The following TAFA2 variants were observed in gnomAD, a reference collection of about 807,000 sequenced individuals.
TAFA2 encodes TAFA chemokine like family member 2, also known as chemokine-like protein TAFA-2.
A neutral mutation model predicts 18.8 loss-of-function variants in TAFA2; 7 were observed. The ratio of observed to expected loss-of-function variants is 0.37; its 90% CI spans 0.21 to 0.70. The LOEUF (loss-of-function observed/expected upper bound fraction) is 0.70, where lower values mean the gene tolerates loss of function less well. TAFA2 is among the 30% of genes least tolerant of loss of function. The pLI is 0.53. For synonymous variants in TAFA2, 60 were observed against 54.2 expected, an observed-to-expected ratio of 1.11 and a Z score of -0.47; for missense variants, 122 against 158.1, an observed-to-expected ratio of 0.77 and a Z score of 1.23.
chr12:61,737,092 C>T (rs530766854), intron 4 of TAFA2, among the ~76,000 whole-genome samples: 121 of 151,952 alleles, frequency 8.0e-4, no homozygotes, highest in South Asian at 1.5e-3. Context: ...TGATGGCACA[C>T]ACTACTACCT....
At chr12:61,858,714 CTAAG>C (rs902079942) in intron 2 of TAFA2, among the ~76,000 whole-genome samples, 3 of 151,560 alleles carry the variant, frequency 2.0e-5, no homozygotes, top group Non-Finnish European at 4.4e-5. Context: ...GTAAAATTGA[CTAAG>C]TGTTTATCAT....
intron 1 of TAFA2, among the ~76,000 whole-genome samples, chr12:62,233,065 TC>T (rs1442794079): frequency 1.1e-4 from 13 of 116,252 alleles, no homozygotes; most frequent in African/African-American, 3.8e-4. Flanking sequence ...TTTCTGCATC[TC>T]TTTTTTTTTT....
At chr12:62,246,737 C>T (rs2062888220) in intron 1 of TAFA2, among the ~76,000 whole-genome samples, 1 of 151,938 alleles carries the variant, frequency 6.6e-6, no homozygotes, top group South Asian at 2.1e-4. Context: ...AGTCTTTTTC[C>T]CTCAAAGTCT....
intron 1 of TAFA2, among the ~76,000 whole-genome samples, chr12:62,007,542 T>G (rs1260880787): frequency 6.6e-6 from 1 of 152,180 alleles, no homozygotes; most frequent in Non-Finnish European, 1.5e-5. Flanking sequence ...TCAGGAACAC[T>G]ACAGAGATAA....
At chr12:62,100,784 G>A (rs1196300032) in intron 1 of TAFA2, among the ~76,000 whole-genome samples, 1 of 152,166 alleles carries the variant, frequency 6.6e-6, no homozygotes, top group African/African-American at 2.4e-5. Flanking sequence ...ACTTTTGAGT[G>A]CCAGTTATAT....
At chr12:62,059,818 T>C (rs2136786253) in intron 1 of TAFA2, among the ~76,000 whole-genome samples, 1 of 152,358 alleles carries the variant, frequency 6.6e-6, no homozygotes, top group African/African-American at 2.4e-5. Flanking sequence ...TTAGATGTTC[T>C]ATTCATTTTT....
chr12:61,756,628 A>G (rs1425580014), intron 2 of TAFA2, among the ~76,000 whole-genome samples: 1 of 152,090 alleles, frequency 6.6e-6, no homozygotes, highest in Non-Finnish European at 1.5e-5. Flanking sequence ...TGAGGAGAAA[A>G]CAAATAATAA....
intron 1 of TAFA2, among the ~76,000 whole-genome samples, chr12:62,045,002 GACA>G (rs1221485360): frequency 6.6e-6 from 1 of 152,084 alleles, no homozygotes; most frequent in African/African-American, 2.4e-5. Context: ...GGATACCAAA[GACA>G]ACATTCTTTT....
At chr12:61,805,008 T>C (rs1194256071) in intron 2 of TAFA2, among the ~76,000 whole-genome samples, 1 of 152,012 alleles carries the variant, frequency 6.6e-6, no homozygotes, top group African/African-American at 2.4e-5. Context: ...GCTATACTTA[T>C]TCATAATGAA....
intron 1 of TAFA2, among the ~76,000 whole-genome samples, chr12:62,227,094 A>G (rs976585598): frequency 4.6e-5 from 7 of 152,072 alleles, no homozygotes; most frequent in Non-Finnish European, 1.0e-4. Flanking sequence ...TTCATAATCC[A>G]TTCCCCTTTC....
At chr12:62,233,066 C>CTTTTTTTTTTTTTTTTTTT (rs34781688) in intron 1 of TAFA2, among the ~76,000 whole-genome samples, 1 of 39,534 alleles carries the variant, frequency 2.5e-5, no homozygotes, top group African/African-American at 9.5e-5. Flanking sequence ...TTCTGCATCT[C>CTTTTTTTTTTTTTTTTTTT]TTTTTTTTTT....
chr12:61,838,746 G>A (rs1873044044), intron 2 of TAFA2, among the ~76,000 whole-genome samples: 1 of 152,056 alleles, frequency 6.6e-6, no homozygotes, highest in Admixed American at 6.6e-5. Context: ...TGTATGCCAG[G>A]TCTTGCAGAA....
At chr12:62,109,410 G>A (rs963023013) in intron 1 of TAFA2, among the ~76,000 whole-genome samples, 1 of 152,182 alleles carries the variant, frequency 6.6e-6, no homozygotes, top group African/African-American at 2.4e-5. Context: ...AAGTCAGGTA[G>A]TATGATGCCT....
At chr12:61,888,468 C>G (rs1398325606) in intron 1 of TAFA2, among the ~76,000 whole-genome samples, 1 of 152,108 alleles carries the variant, frequency 6.6e-6, no homozygotes, top group Non-Finnish European at 1.5e-5. Context: ...TGGAGAAAAA[C>G]ACAAAACACT....
At chr12:61,764,515 T>C (rs1446354249) in intron 2 of TAFA2, among the ~76,000 whole-genome samples, 1 of 152,030 alleles carries the variant, frequency 6.6e-6, no homozygotes, top group Non-Finnish European at 1.5e-5. Context: ...TAGTTGTTTG[T>C]CCCTGAAGAG....
At chr12:62,053,727 T>C (rs547488663) in intron 1 of TAFA2, among the ~76,000 whole-genome samples, 2 of 152,178 alleles carry the variant, frequency 1.3e-5, no homozygotes, top group African/African-American at 2.4e-5. Context: ...GGAATGAAAT[T>C]CCCTAATTTG....
In TAFA2 at chr12:61,724,751, ATGTGTGTGTGTGTGTG is replaced by A. The variant is rs71083953; in HGVS notation, c.385-14350_385-14335del. Among the ~76,000 whole-genome samples, 465 of 114,704 alleles carry A rather than the reference ATGTGTGTGTGTGTGTG, an allele frequency of 4.1e-3. 3 individuals carry two copies. The highest frequency in any genetic ancestry group is 5.4e-3 in the Non-Finnish European group (298 of 54,878). 75.3% of individuals were successfully genotyped at this position (114,704 alleles called of 152,430 possible). A position where few individuals can be genotyped will look rare whatever the true frequency, so the allele number is the denominator to read the frequency against. ...CTGAGTAGTATTCCATGGTATGTCT[ATGTGTGTGTGTGTGTG>A]TGTGTGTGTGTGTGTGTGTGTGTGT... On this transcript the variant is annotated intron_variant, in intron 4 of 4. Transcript: ENST00000416284.
chr12:62,231,662 A>G (rs1419452100), intron 1 of TAFA2, among the ~76,000 whole-genome samples: 5 of 152,220 alleles, frequency 3.3e-5, no homozygotes, highest in Non-Finnish European at 7.3e-5. Context: ...TTAAGACTAT[A>G]AAGATTTAGA....
chr12:62,066,802 T>A (rs957017549), intron 1 of TAFA2, among the ~76,000 whole-genome samples: 1 of 152,072 alleles, frequency 6.6e-6, no homozygotes, highest in Non-Finnish European at 1.5e-5. Context: ...TTCAACCTAC[T>A]GATTTCCTTT....
Sources: gnomAD v4.1 joint callset for allele counts (sites outside exome capture counted in the v4.1 genomes callset) on GRCh38, gnomAD v4.1.1 for gene constraint, MANE v1.5 for transcripts, NCBI Gene and HGNC (gene_info 2026-07-23, HGNC 2026-07-21) for gene names.